The following SDK1 variants were observed in gnomAD, a reference collection of about 807,000 sequenced individuals.
SDK1 encodes the protein sidekick cell adhesion molecule 1, also known as protein sidekick-1.
In SDK1, 157 loss-of-function variants were observed where a neutral mutation model predicts 245.5. The observed-to-expected ratio is 0.64, with a 90% CI of 0.56 to 0.73. The LOEUF (loss-of-function observed/expected upper bound fraction) is 0.73. Ranked by LOEUF, SDK1 falls within the 30% of genes least tolerant of loss-of-function variation. The pLI, the probability that SDK1 is intolerant of heterozygous loss-of-function variation, is 0.00. For missense variants in SDK1, 3,583 were observed against 3,002.3 expected, an observed-to-expected ratio of 1.19 and a Z score of -4.52; for synonymous variants, 1,647 against 1,278.5, an observed-to-expected ratio of 1.29 and a Z score of -6.15.
At chr7:4,181,360 G>A (rs1394221596) in intron 35 of SDK1, among the ~76,000 whole-genome samples, 1 of 152,230 alleles carries the variant, frequency 6.6e-6, no homozygotes, top group African/African-American at 2.4e-5. Flanking sequence ...GGACACTCGG[G>A]GGCCTTCCCC....
At chr7:4,245,188 C>T (rs1238391235) in intron 43 of SDK1, among the ~76,000 whole-genome samples, 1 of 152,110 alleles carries the variant, frequency 6.6e-6, no homozygotes, top group South Asian at 2.1e-4. Context: ...ACGAATGCTC[C>T]CCCACCAGAC....
chr7:3,517,967 G>A (rs1483229509), intron 1 of SDK1, among the ~76,000 whole-genome samples: 1 of 151,934 alleles, frequency 6.6e-6, no homozygotes, highest in Non-Finnish European at 1.5e-5. Context: ...GTTTGTTTTT[G>A]TGACTTCTCT....
chr7:3,664,467 A>G (rs1414622945), intron 4 of SDK1, among the ~76,000 whole-genome samples: 1 of 152,144 alleles, frequency 6.6e-6, no homozygotes, highest in Admixed American at 6.6e-5. Context: ...ATCCGGGCAC[A>G]GTGGCTCACA....
chr7:3,466,314 C>T (rs1781000256), intron 1 of SDK1, among the ~76,000 whole-genome samples: 1 of 151,542 alleles, frequency 6.6e-6, no homozygotes, highest in African/African-American at 2.4e-5. Flanking sequence ...TGAGATGTTC[C>T]ATCCTGAAGT....
At chr7:3,390,873 T>C (rs1781732594) in intron 1 of SDK1, among the ~76,000 whole-genome samples, 1 of 152,166 alleles carries the variant, frequency 6.6e-6, no homozygotes, top group South Asian at 2.1e-4. Flanking sequence ...TGGCATTTTG[T>C]TATGGTAGCC....
At chr7:3,537,853 C>T (rs946891342) in intron 1 of SDK1, among the ~76,000 whole-genome samples, 3 of 152,186 alleles carry the variant, frequency 2.0e-5, no homozygotes, top group Non-Finnish European at 2.9e-5. Context: ...GAGTTGGGGC[C>T]TCCGTGCACA....
At chr7:4,084,431 C>T (rs1781291872) in intron 22 of SDK1, among the ~76,000 whole-genome samples, 1 of 152,198 alleles carries the variant, frequency 6.6e-6, no homozygotes, top group Non-Finnish European at 1.5e-5. Context: ...TGAGGCTCCA[C>T]TCTTTGATGA....
chr7:3,536,501 A>C (rs997969368), intron 1 of SDK1, among the ~76,000 whole-genome samples: 1 of 151,996 alleles, frequency 6.6e-6, no homozygotes, highest in African/African-American at 2.4e-5. Context: ...AACTTGGCGA[A>C]ACCCTGTTTC....
intron 4 of SDK1, among the ~76,000 whole-genome samples, chr7:3,812,175 T>C (rs2115048664): frequency 6.6e-6 from 1 of 152,350 alleles, no homozygotes; most frequent in South Asian, 2.1e-4. Flanking sequence ...GTTAAATTAC[T>C]CCTGTATTTG....
rs555135568 is a variant in SDK1, at chr7:3,750,851, T to G, written c.714-70599T>G. On this transcript the variant is annotated intron_variant, in intron 4 of 44. Coordinates refer to ENST00000404826, the MANE Select transcript of SDK1 (RefSeq NM_152744.4). ...TCTAATCCTGCCATGTCTTTACACC[T>G]TTCTCTTTTGCACTGATCCTGCTTC... is the stretch of plus-strand genomic sequence containing the variant. Among the ~76,000 whole-genome samples the G allele has an allele frequency of 3.3e-5, 5 of 152,350 alleles. No homozygotes were observed. In the South Asian group the frequency reaches 1.0e-3, roughly 32 times the overall value.
In SDK1 at chr7:3,479,016, C is replaced by G. The variant is rs550774413; in HGVS notation, c.299-140064C>G. ...TGATTTCTAACTTGATTGCATTGTGCTTAGAGGACTTGAGGTGTATTAAAC... is the reference window on the plus strand; with the variant it reads ...TGATTTCTAACTTGATTGCATTGTGGTTAGAGGACTTGAGGTGTATTAAAC... On this transcript the variant is annotated intron_variant, in intron 1 of 44. Coordinates refer to ENST00000404826, the MANE Select transcript of SDK1 (RefSeq NM_152744.4). Among the ~76,000 whole-genome samples the G allele has an allele frequency of 7.2e-5, 11 of 152,128 alleles. 1 individual carries two copies. In the South Asian group the frequency reaches 1.9e-3, roughly 26 times the overall value.
In SDK1 at chr7:3,969,342, C is replaced by T; in HGVS notation, c.1632C>T (p.Phe544=). ...GGGGTCTACAGATCGCGCCCGTCTTCATCCAGGATGCCGGCAACTACACCT... is the reference window on the plus strand; with the variant it reads ...GGGGTCTACAGATCGCGCCCGTCTTTATCCAGGATGCCGGCAACTACACCT... The part of the protein sequence containing the change: ...ESGGLQIAPV[F]IQDAGNYTCY... The change falls in exon 11 of 45, where the codon TTC becomes TTT. Residue 544 remains phenylalanine, a synonymous_variant. Coordinates refer to ENST00000404826, the MANE Select transcript of SDK1 (RefSeq NM_152744.4). 1.2e-6 allele frequency: 2 copies of T among 1,611,476 alleles called. No homozygotes were observed. The highest frequency in any genetic ancestry group is 1.1e-5 in the South Asian group (1 of 90,178).
rs1044375936 is a variant in SDK1 at position 3,555,600 on chromosome 7, G to A, written c.299-63480G>A. Among the ~76,000 whole-genome samples the A allele has an allele frequency of 2.6e-5, 4 of 152,110 alleles. 1 individual carries two copies. Among genetic ancestry groups the A allele is most frequent in the African/African-American group, 9.7e-5 (4 of 41,412 alleles). On this transcript the variant is annotated intron_variant, in intron 1 of 44. Transcript: ENST00000404826. ...GATCACATGAAGTTAAAAAGCTTCT[G>A]CACAGCAAAGGAAAACAATCAACAA...
In SDK1 at chr7:4,116,693, G is replaced by T. The variant is rs182803554; in HGVS notation, c.3823+2419G>T. 8.5e-4 allele frequency among the ~76,000 whole-genome samples: 130 copies of T among 152,334 alleles called. 1 individual carries two copies. In the Middle Eastern group the frequency reaches 0.01, roughly 12 times the overall value. On this transcript the variant is annotated intron_variant, in intron 25 of 44. Transcript: ENST00000404826. Reference sequence around the variant, plus strand: ...TATTTCTTCCTACTCTTCTCAGAGGGCAGGAGGTGAGGGTAGACAGGAGGA... The same window carrying T: ...TATTTCTTCCTACTCTTCTCAGAGGTCAGGAGGTGAGGGTAGACAGGAGGA...
intron 1 of SDK1, among the ~76,000 whole-genome samples, chr7:3,522,656 G>T (rs1303188514): frequency 1.3e-5 from 2 of 152,056 alleles, no homozygotes; most frequent in Non-Finnish European, 2.9e-5. Flanking sequence ...ACTTCCTATA[G>T]TCTTCAAAAC....
At chr7:4,054,665 G>A (rs1779093346) in intron 19 of SDK1, among the ~76,000 whole-genome samples, 1 of 152,092 alleles carries the variant, frequency 6.6e-6, no homozygotes, top group African/African-American at 2.4e-5. Context: ...GTACTATGCT[G>A]AATAAGAGTG....
chr7:4,205,969 A>G lies in SDK1; in HGVS notation c.5189A>G (p.Gln1730Arg). ...VTWDPPPPES[Q>R]NGNIQGYKIY... The stretch of plus-strand genomic sequence containing the variant: ...TGGGACCCACCACCCCCGGAGAGCC[A>G]GAATGGGAACATCCAAGGCTACAAG... The change falls in exon 36 of 45, where the codon CAG becomes CGG. Residue 1730 changes from glutamine (Q) to arginine (R), a missense_variant. Gln to Arg is a conservative substitution (Grantham distance 43). Transcript: ENST00000404826. The G allele has an allele frequency of 6.4e-7, 1 of 1,557,350 alleles. No homozygotes were observed. The highest frequency in any genetic ancestry group is 8.7e-7 in the Non-Finnish European group (1 of 1,150,244).
At chr7:3,593,012 C>T (rs950717836) in intron 1 of SDK1, among the ~76,000 whole-genome samples, 2 of 152,230 alleles carry the variant, frequency 1.3e-5, no homozygotes, top group Non-Finnish European at 2.9e-5. Flanking sequence ...GCATTGCTGA[C>T]ACCTGGACAA....
chr7:3,971,645 G>A (rs1183480525), intron 12 of SDK1, 77 bp downstream of exon 12: 10 of 1,070,054 alleles, frequency 9.3e-6, no homozygotes, highest in African/African-American at 1.6e-5. Flanking sequence ...AGATGAGGAG[G>A]AAGAATTGGG....
Sources: gnomAD v4.1 joint callset for allele counts (sites outside exome capture counted in the v4.1 genomes callset) on GRCh38, gnomAD v4.1.1 for gene constraint, MANE v1.5 for transcripts, NCBI Gene and HGNC (gene_info 2026-07-23, HGNC 2026-07-21) for gene names.